The following BCHE variants were observed in gnomAD, a reference collection of about 807,000 sequenced individuals.
BCHE encodes the protein butyrylcholinesterase.
Under a neutral mutation model 51.3 loss-of-function variants are expected in BCHE, and 48 were observed. The observed-to-expected ratio is 0.94, with a 90% CI of 0.74 to 1.19. The LOEUF is 1.19. BCHE is among the 50% of genes most tolerant of loss of function. The pLI, the probability that BCHE is intolerant of heterozygous loss-of-function variation, is 0.00. For synonymous variants in BCHE, 251 were observed against 238.0 expected (o/e 1.05, Z -0.50); for missense variants, 847 against 708.2 (o/e 1.20, Z -2.23).
chr3:165,773,733 C>T (rs569421630), intron 3 of BCHE, among the ~76,000 whole-genome samples: 14 of 151,558 alleles, frequency 9.2e-5, no homozygotes, highest in South Asian at 2.1e-4. Flanking sequence ...ATTTATATAA[C>T]GTATAACATA....
Position 165,830,069 on chromosome 3 carries a change from A to C in BCHE, c.965T>G (p.Val322Gly). 1.9e-6 allele frequency: 3 copies of C among 1,613,724 alleles called. No individual in the cohort carries two copies. Among genetic ancestry groups the C allele is most frequent in the Non-Finnish European group, 2.5e-6 (3 of 1,179,862 alleles). The change falls in exon 2 of 4, where the codon GTG (valine) becomes GGG (glycine). Residue 322 changes from valine to glycine, a missense_variant. Val to Gly is a moderately radical substitution (Grantham distance 109, BLOSUM62 -3). Coordinates refer to ENST00000264381, the MANE Select transcript of BCHE (RefSeq NM_000055.4). ...TPLSVNFGPT[V>G]DGDFLTDMPD... Reference sequence around the variant, plus strand: ...CATGTCAGTGAGAAAATCACCATCCACGGTCGGACCAAAGTTTACTGACAA... The same window carrying C: ...CATGTCAGTGAGAAAATCACCATCCCCGGTCGGACCAAAGTTTACTGACAA...
chr3:165,773,724 T>C (rs1427049681), intron 3 of BCHE, among the ~76,000 whole-genome samples: 2 of 151,984 alleles, frequency 1.3e-5, no homozygotes, highest in Non-Finnish European at 2.9e-5. Context: ...GTATATATAA[T>C]TTATATAACG....
chr3:165,811,352 TAAA>T (rs1714085062), intron 2 of BCHE, among the ~76,000 whole-genome samples: 2 of 152,012 alleles, frequency 1.3e-5, no homozygotes, highest in African/African-American at 4.8e-5. Flanking sequence ...ACCAGGCTGA[TAAA>T]AAAGTGAAAA....
chr3:165,786,406 G>A, intron 2 of BCHE, 95 bp from the exon 3 acceptor site: 1 of 1,215,810 alleles, frequency 8.2e-7, no homozygotes, highest in Non-Finnish European at 1.1e-6. Context: ...GAGCTTTAAA[G>A]AATTTAAGAC....
At chr3:165,833,898 C>T (rs957591685) in intron 1 of BCHE, among the ~76,000 whole-genome samples, 1 of 152,188 alleles carries the variant, frequency 6.6e-6, no homozygotes, top group Non-Finnish European at 1.5e-5. Context: ...ATTGCATCAT[C>T]CCTGGTTGTA....
At chr3:165,799,665 A>G (rs1379143093) in intron 2 of BCHE, among the ~76,000 whole-genome samples, 2 of 152,134 alleles carry the variant, frequency 1.3e-5, no homozygotes, top group African/African-American at 4.8e-5. Context: ...TACAGACTCG[A>G]GCCTAAATCA....
intron 2 of BCHE, among the ~76,000 whole-genome samples, chr3:165,811,679 GAAT>G (rs1256496079): frequency 6.6e-6 from 1 of 151,846 alleles, no homozygotes; most frequent in African/African-American, 2.4e-5. Context: ...TAATAATTTA[GAAT>G]AATATTTCCT....
At chr3:165,804,056 G>A (rs1199365958) in intron 2 of BCHE, among the ~76,000 whole-genome samples, 7 of 146,956 alleles carry the variant, frequency 4.8e-5, no homozygotes, top group Non-Finnish European at 6.0e-5. Context: ...AGAAAGGTTA[G>A]AAAAAAAAAA....
chr3:165,775,892 C>A (rs754933478), intron 3 of BCHE, among the ~76,000 whole-genome samples: 2 of 151,874 alleles, frequency 1.3e-5, no homozygotes, highest in Non-Finnish European at 2.9e-5. Flanking sequence ...AAATCAAAAT[C>A]AAAATTAAAC....
chr3:165,786,493 T>C (rs932973848), intron 2 of BCHE, among the ~76,000 whole-genome samples, 182 bp from the exon 3 acceptor site: 1 of 151,880 alleles, frequency 6.6e-6, no homozygotes, highest in Non-Finnish European at 1.5e-5. Context: ...TGAGAACCAC[T>C]ATGTTATTTA....
At position 165,830,601 on chromosome 3, in the gene BCHE, C is replaced by A. The variant is rs1348669869; in HGVS notation, c.433G>T (p.Gly145Cys). The change falls in exon 2 of 4, where the codon GGT becomes TGT. Residue 145 changes from glycine to cysteine, a missense_variant. Coordinates refer to ENST00000264381, the MANE Select transcript of BCHE (RefSeq NM_000055.4). ...ATVLIWIYGG[G>C]FQTGTSSLHV... is the part of the protein sequence containing the mutation. ...AAAGATGATGTTCCAGTTTGAAAACCACCACCATAAATCCATATCAATACA... is the reference window on the plus strand; with the variant it reads ...AAAGATGATGTTCCAGTTTGAAAACAACCACCATAAATCCATATCAATACA... 6.2e-7 allele frequency: 1 copy of A among 1,613,938 alleles called. No individual in the cohort carries two copies. Among genetic ancestry groups the A allele is most frequent in the Admixed American group, 1.7e-5 (1 of 59,964 alleles).
intron 2 of BCHE, among the ~76,000 whole-genome samples, chr3:165,813,600 C>G (rs1006848736): frequency 1.3e-5 from 2 of 151,602 alleles, no homozygotes; most frequent in Non-Finnish European, 3.0e-5. Context: ...TCCTTTACTT[C>G]AAAATCTTTT....
In BCHE at chr3:165,835,979, A is replaced by T. The variant is rs1029426827; in HGVS notation, c.-9+1335T>A. Among the ~76,000 whole-genome samples, 7 of 152,074 alleles carry T rather than the reference A, an allele frequency of 4.6e-5. No individual in the cohort carries two copies. The South Asian group carries it at 1.4e-3, about 31-fold the overall frequency. On this transcript the variant is annotated intron_variant, in intron 1 of 3. Transcript: ENST00000264381. ...AATGAAGATAATATTCAATGTAAAT[A>T]TATATTATACTTATCAAGAAATGAC...
chr3:165,837,336 G>A lies in BCHE; in HGVS notation c.-31C>T, dbSNP rs1242335986. 7.8e-7 allele frequency: 1 copy of A among 1,289,664 alleles called. No homozygotes were observed. The highest frequency in any genetic ancestry group is 1.2e-5 in the South Asian group (1 of 81,020). The allele number at this position is 1,289,664 out of a possible 1,614,324, so 79.9% of individuals were successfully genotyped here. A position where few individuals can be genotyped will look rare whatever the true frequency, so the allele number is the denominator to read the frequency against. ...TACCCGATTCTCTGCAACAAAGATG[G>A]CAAAGTTTGCAAGGAGTGAAAATCA... is the stretch of plus-strand genomic sequence containing the variant. On this transcript the variant is annotated 5_prime_UTR_variant, in exon 1 of 4. Coordinates refer to ENST00000264381, the MANE Select transcript of BCHE (RefSeq NM_000055.4).
At chr3:165,790,611 C>A (rs541600815) in intron 2 of BCHE, among the ~76,000 whole-genome samples, 78 of 152,236 alleles carry the variant, frequency 5.1e-4, no homozygotes, top group Non-Finnish European at 7.5e-4. Context: ...CCTAAACTTA[C>A]GACTGGTGTG....
intron 2 of BCHE, among the ~76,000 whole-genome samples, chr3:165,821,444 A>AG (rs924814336): frequency 4.0e-5 from 6 of 151,748 alleles, no homozygotes; most frequent in Non-Finnish European, 8.9e-5. Flanking sequence ...ATTAAAAAAA[A>AG]AGAGAGAGAG....
rs1367658961 is a variant in BCHE at position 165,829,665 on chromosome 3, G to A, written c.1369C>T (p.Pro457Ser). The part of the protein sequence containing the change: ...YYFEHRSSKL[P>S]WPEWMGVMHG... Reference sequence around the variant, plus strand: ...ATCACTCCCATCCATTCTGGCCACGGAAGTTTGGAGGATCGGTGTTCAAAA... The same window carrying A: ...ATCACTCCCATCCATTCTGGCCACGAAAGTTTGGAGGATCGGTGTTCAAAA... The change falls in exon 2 of 4, where the codon CCG becomes TCG. Residue 457 changes from proline to serine, a missense_variant. By Grantham distance (74) the Pro-to-Ser change is moderately conservative. Coordinates refer to ENST00000264381, the MANE Select transcript of BCHE (RefSeq NM_000055.4). The A allele has an allele frequency of 1.2e-6, 2 of 1,613,798 alleles. No homozygotes were observed. Among genetic ancestry groups the A allele is most frequent in the Admixed American group, 1.7e-5 (1 of 59,932 alleles).
chr3:165,831,188 G>A, intron 1 of BCHE, 147 bp from the exon 2 acceptor site: 17 of 581,556 alleles, frequency 2.9e-5, no homozygotes, highest in South Asian at 1.8e-4. Context: ...GCCTACATAG[G>A]AAAAAATAGA....
intron 2 of BCHE, among the ~76,000 whole-genome samples, chr3:165,813,045 G>A (rs560749250): frequency 2.2e-5 from 2 of 92,996 alleles, no homozygotes; most frequent in South Asian, 9.3e-4. Flanking sequence ...AGCATTCCAT[G>A]AGAGTCCTTT....
Sources: gnomAD v4.1 joint callset for allele counts (sites outside exome capture counted in the v4.1 genomes callset) on GRCh38, gnomAD v4.1.1 for gene constraint, MANE v1.5 for transcripts, NCBI Gene and HGNC (gene_info 2026-07-23, HGNC 2026-07-21) for gene names.